The following GNG7 variants were observed in gnomAD, a reference collection of about 807,000 sequenced individuals.
GNG7 encodes the protein guanine nucleotide-binding protein G(I)/G(S)/G(O) subunit gamma-7.
Under a neutral mutation model 4.0 loss-of-function variants are expected in GNG7, and 1 was observed. That is an observed-to-expected ratio of 0.25 (90% CI 0.09 to 1.18). GNG7 has a LOEUF of 1.18. Among genes scored for constraint, GNG7 ranks in the 50% most tolerant of loss-of-function variants. The pLI, the probability that GNG7 is intolerant of heterozygous loss-of-function variation, is 0.50. For missense variants in GNG7, 86 were observed against 91.9 expected (o/e 0.94, Z 0.26); for synonymous variants, 34 against 36.9 (o/e 0.92, Z 0.29).
intron 1 of GNG7, among the ~76,000 whole-genome samples, chr19:2,679,674 C>T (rs1001024163): frequency 2.0e-5 from 3 of 152,176 alleles, no homozygotes; most frequent in Admixed American, 2.0e-4. Flanking sequence ...CCAGAACCCT[C>T]CATGATTCGC....
chr19:2,568,771 CAT>C (rs1366157814), intron 2 of GNG7, among the ~76,000 whole-genome samples: 2 of 148,272 alleles, frequency 1.3e-5, no homozygotes, highest in Non-Finnish European at 3.0e-5. Flanking sequence ...CACATATACA[CAT>C]AAATACACAT....
At chr19:2,532,161 AC>A (rs200733025) in intron 3 of GNG7, among the ~76,000 whole-genome samples, 43,900 of 96,912 alleles carry the variant, frequency 0.45, 6,671 homozygotes, top group East Asian at 0.67. Context: ...AAAAAAAAAA[AC>A]AAAAAAAAAA....
chr19:2,537,626 C>T (rs542021229), intron 3 of GNG7, among the ~76,000 whole-genome samples: 142 of 151,480 alleles, frequency 9.4e-4, no homozygotes, highest in Non-Finnish European at 1.3e-3. Context: ...TCAAAGTGTA[C>T]GGTTCTGATG....
chr19:2,529,869 C>G (rs1028292468), intron 3 of GNG7, among the ~76,000 whole-genome samples: 1 of 152,194 alleles, frequency 6.6e-6, no homozygotes, highest in Non-Finnish European at 1.5e-5. Flanking sequence ...CGGGCTCGCA[C>G]TCTGGCTCTG....
chr19:2,571,816 G>C (rs551673857), intron 2 of GNG7, among the ~76,000 whole-genome samples: 1 of 150,748 alleles, frequency 6.6e-6, no homozygotes, highest in Non-Finnish European at 1.5e-5. Context: ...GGCTGGTCTC[G>C]AACTCCTGAC....
At chr19:2,693,442 A>AAAAAGAAAG (rs1913179254) in intron 1 of GNG7, among the ~76,000 whole-genome samples, 1 of 151,952 alleles carries the variant, frequency 6.6e-6, no homozygotes, top group Non-Finnish European at 1.5e-5. Flanking sequence ...AAAGAAAGAA[A>AAAAAGAAAG]AAAAGAAAGA....
chr19:2,621,004 G>C (rs1255690281), intron 2 of GNG7, among the ~76,000 whole-genome samples: 1 of 152,076 alleles, frequency 6.6e-6, no homozygotes, highest in Non-Finnish European at 1.5e-5. Flanking sequence ...GAGGTGGTAC[G>C]ACTCATACAG....
chr19:2,620,793 A>G (rs935802052), intron 2 of GNG7, among the ~76,000 whole-genome samples: 2 of 152,156 alleles, frequency 1.3e-5, no homozygotes, highest in African/African-American at 2.4e-5. Flanking sequence ...GTGAGCCGAA[A>G]TCGTGCCATT....
intron 4 of GNG7, among the ~76,000 whole-genome samples, chr19:2,518,889 G>A (rs533464283): frequency 3.3e-5 from 5 of 151,850 alleles, no homozygotes; most frequent in South Asian, 2.1e-4. Context: ...TCTGCCTCTC[G>A]GGTTCAAGCT....
At position 2,599,454 on chromosome 19, in the gene GNG7, T is replaced by C. The variant is rs1217816833; in HGVS notation, c.-77-44266A>G. Among the ~76,000 whole-genome samples, 9 of 151,342 alleles carry C rather than the reference T, an allele frequency of 5.9e-5. No homozygotes were observed. The South Asian group carries it at 1.3e-3, about 21-fold the overall frequency. On this transcript the variant is annotated intron_variant, in intron 2 of 4. Transcript: ENST00000382159. Reference sequence around the variant, plus strand: ...CCCACCCGGGTGGGTTTCCAGGAGGTGGAGGTGCGGACCTGGGAGGGGGGC... The same window carrying C: ...CCCACCCGGGTGGGTTTCCAGGAGGCGGAGGTGCGGACCTGGGAGGGGGGC...
intron 1 of GNG7, among the ~76,000 whole-genome samples, chr19:2,678,596 A>T (rs1322498773): frequency 2.0e-5 from 3 of 152,020 alleles, no homozygotes; most frequent in African/African-American, 7.3e-5. Context: ...TAATAAATGC[A>T]TACGGTTTCA....
intron 2 of GNG7, among the ~76,000 whole-genome samples, chr19:2,595,705 A>T (rs2144806381): frequency 6.6e-6 from 1 of 151,290 alleles, no homozygotes; most frequent in East Asian, 2.0e-4. Flanking sequence ...ACTGCACTCC[A>T]GCCTGGGCAA....
intron 3 of GNG7, among the ~76,000 whole-genome samples, chr19:2,550,826 G>C (rs950511568): frequency 8.5e-5 from 13 of 152,204 alleles, no homozygotes; most frequent in Admixed American, 5.9e-4. Flanking sequence ...TGGAGCAGTG[G>C]ACCTGGCCTG....
At chr19:2,577,901 G>A (rs1038846414) in intron 2 of GNG7, among the ~76,000 whole-genome samples, 3 of 149,434 alleles carry the variant, frequency 2.0e-5, no homozygotes, top group Admixed American at 6.7e-5. Flanking sequence ...ATGCAATGGC[G>A]CAATCACAGC....
intron 2 of GNG7, among the ~76,000 whole-genome samples, chr19:2,631,107 C>G (rs1982147389): frequency 6.6e-6 from 1 of 152,136 alleles, no homozygotes. Context: ...GGCATGAAGA[C>G]CAGAGGAAGA....
chr19:2,544,621 C>T (rs2144750834), intron 3 of GNG7, among the ~76,000 whole-genome samples: 1 of 152,304 alleles, frequency 6.6e-6, no homozygotes, highest in Non-Finnish European at 1.5e-5. Context: ...AAACTCCTGA[C>T]CTCAGGTGAT....
At chr19:2,529,496 G>T (rs1394471683) in intron 3 of GNG7, among the ~76,000 whole-genome samples, 1 of 152,232 alleles carries the variant, frequency 6.6e-6, no homozygotes, top group Non-Finnish European at 1.5e-5. Context: ...GGGATGACAG[G>T]CGTGAGCCAC....
intron 2 of GNG7, among the ~76,000 whole-genome samples, chr19:2,644,042 A>T (rs898411708): frequency 2.0e-5 from 3 of 151,944 alleles, no homozygotes; most frequent in African/African-American, 7.3e-5. Context: ...TATTTCTGAG[A>T]TGGAGTCTCG....
chr19:2,556,254 C>T (rs993733514), intron 2 of GNG7, among the ~76,000 whole-genome samples: 34 of 152,368 alleles, frequency 2.2e-4, no homozygotes, highest in African/African-American at 7.9e-4. Flanking sequence ...GCACCACTGT[C>T]AGCTCTAGGG....
Sources: gnomAD v4.1 joint callset for allele counts (sites outside exome capture counted in the v4.1 genomes callset) on GRCh38, gnomAD v4.1.1 for gene constraint, MANE v1.5 for transcripts, NCBI Gene and HGNC (gene_info 2026-07-23, HGNC 2026-07-21) for gene names.